The following EFEMP1 variants were observed in gnomAD, a reference collection of about 807,000 sequenced individuals.
The protein encoded by EFEMP1 is EGF-containing fibulin-like extracellular matrix protein 1.
Under a neutral mutation model 65.7 loss-of-function variants are expected in EFEMP1, and 18 were observed. The ratio of observed to expected loss-of-function variants is 0.27; its 90% CI spans 0.19 to 0.41. The LOEUF (loss-of-function observed/expected upper bound fraction) is 0.41. Ranked by LOEUF, EFEMP1 falls within the 10% of genes least tolerant of loss-of-function variation. The pLI is 1.00. For synonymous variants in EFEMP1, 237 were observed against 219.7 expected (o/e 1.08, Z -0.70); for missense variants, 469 against 624.8 (o/e 0.75, Z 2.66).
rs1307987501 is a variant in EFEMP1, at chr2:55,881,630, G to A, written c.622C>T (p.Arg208Ter). The change falls in exon 6 of 12, where the codon CGA (arginine) becomes TGA (stop). Residue 208 changes from arginine to a stop codon, truncating the protein, a stop_gained. Coordinates refer to ENST00000355426, the MANE Select transcript of EFEMP1 (RefSeq NM_001039348.3). LOFTEE classifies it high-confidence loss of function. ...TACTTACCTACGCACTGCTCCCCTC[G>A]CTTCTGATATCCAGGAGGGCACTGA... is the stretch of plus-strand genomic sequence containing the variant. ...ACQCPPGYQK[R>*]GEQCVDIDEC... The A allele has an allele frequency of 3.1e-6, 5 of 1,613,638 alleles. No homozygotes were observed. Among genetic ancestry groups the A allele is most frequent in the African/African-American group, 2.7e-5 (2 of 74,890 alleles).
In EFEMP1 at chr2:55,922,747, G is replaced by T; in HGVS notation, c.-8+152C>A. On this transcript the variant is annotated intron_variant, in intron 2 of 11. Transcript: ENST00000355426. The surrounding 1 kb of genome is among the most constrained non-coding windows in gnomAD (Gnocchi z 5.5). ...ATTTTATACTGCACCTACAAAGCAG[G>T]CTGCAGAAAGAGGGGGTCGAAAGGA... is the stretch of plus-strand genomic sequence containing the variant. The T allele has an allele frequency of 2.0e-6, 1 of 512,490 alleles. No homozygotes were observed. The highest frequency in any genetic ancestry group is 3.1e-6 in the Non-Finnish European group (1 of 323,384). The allele number at this position is 512,490 out of a possible 1,614,324, so 31.7% of individuals were successfully genotyped here. A position where few individuals can be genotyped will look rare whatever the true frequency, so the allele number is the denominator to read the frequency against.
rs374518169 is a variant in EFEMP1, at chr2:55,910,073, T to C, written c.517+7592A>G. Among the ~76,000 whole-genome samples the C allele has an allele frequency of 1.6e-3, 239 of 152,350 alleles. 2 individuals are homozygous for C. Among genetic ancestry groups the C allele is most frequent in the African/African-American group, 5.5e-3 (230 of 41,594 alleles). On this transcript the variant is annotated intron_variant, in intron 5 of 11. Transcript: ENST00000355426. ...GTAGTTGAACTTTTAGAATTTGACT[T>C]AGTGCAAATCTCAAGCTTTTTAGTC...
At chr2:55,892,502 G>A (rs1406204184) in intron 5 of EFEMP1, among the ~76,000 whole-genome samples, 1 of 148,398 alleles carries the variant, frequency 6.7e-6, no homozygotes, top group Non-Finnish European at 1.5e-5. Flanking sequence ...TAGGATCAAA[G>A]GAGAGTCTGA....
At chr2:55,876,772 G>T in intron 7 of EFEMP1, 30 bp from the exon 8 acceptor site, 1 of 1,173,740 alleles carries the variant, frequency 8.5e-7, no homozygotes, top group Non-Finnish European at 1.2e-6. Flanking sequence ...ATATATATAT[G>T]TATATGTATA....
intron 5 of EFEMP1, among the ~76,000 whole-genome samples, chr2:55,902,697 G>C (rs1670086205): frequency 6.6e-6 from 1 of 152,174 alleles, no homozygotes; most frequent in South Asian, 2.1e-4. Context: ...TGTCAATAAA[G>C]ATTCAGGTGA....
chr2:55,869,113 G>A (rs949098829), intron 11 of EFEMP1, among the ~76,000 whole-genome samples: 5 of 152,096 alleles, frequency 3.3e-5, no homozygotes, highest in Non-Finnish European at 5.9e-5. Flanking sequence ...ATTTTGATTT[G>A]AAAATATGAA....
chr2:55,880,113 A>G (rs552495692), intron 6 of EFEMP1, among the ~76,000 whole-genome samples: 1 of 152,274 alleles, frequency 6.6e-6, no homozygotes, highest in African/African-American at 2.4e-5. Flanking sequence ...GGTGGAATAA[A>G]GCTGGGGTGT....
Position 55,922,132 on chromosome 2 carries a change from A to C in EFEMP1, c.81+228T>G. 1 of 506,308 alleles carries C rather than the reference A, an allele frequency of 2.0e-6. No homozygotes were observed. The highest frequency in any genetic ancestry group is 3.8e-5 in the East Asian group (1 of 26,464). 31.4% of individuals were successfully genotyped at this position (506,308 alleles called of 1,614,324 possible). On this transcript the variant is annotated intron_variant, in intron 3 of 11. Coordinates refer to ENST00000355426, the MANE Select transcript of EFEMP1 (RefSeq NM_001039348.3). The surrounding 1 kb of genome is among the most constrained non-coding windows in gnomAD (Gnocchi z 5.5). ...CGGATCCCATTTTTAGCCCTGCACA[A>C]ATGATTACATGTTGGTTCCTATCTT...
intron 5 of EFEMP1, 43 bp from the exon 6 acceptor site, chr2:55,881,777 G>C (rs777290703): frequency 8.7e-6 from 14 of 1,613,580 alleles, no homozygotes; most frequent in Middle Eastern, 1.7e-4. Flanking sequence ...CAGTTGTGAA[G>C]ATGTTGATAT....
chr2:55,915,203 A>G (rs1465181575), intron 5 of EFEMP1, among the ~76,000 whole-genome samples: 2 of 152,210 alleles, frequency 1.3e-5, no homozygotes, highest in South Asian at 2.1e-4. Context: ...CCTGCTTTCA[A>G]TGGTATAGAC....
intron 5 of EFEMP1, among the ~76,000 whole-genome samples, chr2:55,910,243 T>C (rs1356198008): frequency 6.6e-6 from 1 of 152,208 alleles, no homozygotes; most frequent in African/African-American, 2.4e-5. Context: ...CAGTTTAAAC[T>C]ACAAACCTGC....
At chr2:55,868,536 G>A (rs540586256) in intron 11 of EFEMP1, among the ~76,000 whole-genome samples, 1 of 152,146 alleles carries the variant, frequency 6.6e-6, no homozygotes, top group South Asian at 2.1e-4. Flanking sequence ...AGGGAAGATG[G>A]TTTTCTCAGT....
At chr2:55,898,836 C>T (rs1233334889) in intron 5 of EFEMP1, among the ~76,000 whole-genome samples, 2 of 152,112 alleles carry the variant, frequency 1.3e-5, no homozygotes, top group African/African-American at 4.8e-5. Flanking sequence ...CAAACAGTGA[C>T]ACTGGGACTG....
intron 5 of EFEMP1, among the ~76,000 whole-genome samples, chr2:55,889,541 C>G (rs1249753938): frequency 6.6e-6 from 1 of 152,002 alleles, no homozygotes; most frequent in Admixed American, 6.6e-5. Context: ...CTTTTTGATT[C>G]AAAATTCCAG....
chr2:55,879,275 G>A (rs1043141688), intron 6 of EFEMP1, among the ~76,000 whole-genome samples: 4 of 152,126 alleles, frequency 2.6e-5, no homozygotes, highest in East Asian at 1.9e-4. Context: ...AACATTATTC[G>A]AATAAATCGA....
intron 5 of EFEMP1, among the ~76,000 whole-genome samples, chr2:55,916,579 G>A (rs1670697145): frequency 6.6e-6 from 1 of 152,194 alleles, no homozygotes; most frequent in Non-Finnish European, 1.5e-5. Context: ...GGAGGAAGGT[G>A]CTCTCTTCCT....
In EFEMP1 at chr2:55,871,223, G is replaced by T; in HGVS notation, c.1001-100C>A. 2 of 1,542,476 alleles carry T rather than the reference G, an allele frequency of 1.3e-6. No individual in the cohort carries two copies. Among genetic ancestry groups the T allele is most frequent in the South Asian group, 1.1e-5 (1 of 88,760 alleles). Reference sequence around the variant, plus strand: ...ATTCTGTTTGCAAGGAAGGAGGTGTGAGAGCATCTGGACTGTGTTCAACCT... The same window carrying T: ...ATTCTGTTTGCAAGGAAGGAGGTGTTAGAGCATCTGGACTGTGTTCAACCT... On this transcript the variant is annotated intron_variant, in intron 9 of 11. Transcript: ENST00000355426. The surrounding 1 kb of genome is among the most constrained non-coding windows in gnomAD (Gnocchi z 4.2).
At chr2:55,895,016 C>A (rs1276612678) in intron 5 of EFEMP1, among the ~76,000 whole-genome samples, 2 of 152,212 alleles carry the variant, frequency 1.3e-5, no homozygotes, top group African/African-American at 2.4e-5. Flanking sequence ...ACTGCTGCCA[C>A]CTCTGAAATG....
rs187308071 is a variant in EFEMP1 at position 55,895,079 on chromosome 2, C to A, written c.518-13345G>T. Reference sequence around the variant, plus strand: ...TGGGCCCTGGACACTGCTTCTTGGGCAGCTTCCCTGGCCCAGTGCTGAGGC... The same window carrying A: ...TGGGCCCTGGACACTGCTTCTTGGGAAGCTTCCCTGGCCCAGTGCTGAGGC... On this transcript the variant is annotated intron_variant, in intron 5 of 11. Coordinates refer to ENST00000355426, the MANE Select transcript of EFEMP1 (RefSeq NM_001039348.3). Among the ~76,000 whole-genome samples the A allele has an allele frequency of 1.6e-3, 238 of 152,338 alleles. 1 individual carries two copies. Among genetic ancestry groups the A allele is most frequent in the African/African-American group, 5.3e-3 (221 of 41,580 alleles).
Sources: allele counts gnomAD v4.1 joint callset (sites outside exome capture counted in the v4.1 genomes callset), GRCh38; gene constraint gnomAD v4.1.1; non-coding constraint Gnocchi (gnomAD v3.1); transcripts MANE v1.5; gene names NCBI Gene and HGNC (gene_info 2026-07-23, HGNC 2026-07-21).